The following SIAH3 variants were observed in gnomAD, a reference collection of about 807,000 sequenced individuals.
The protein encoded by SIAH3 is siah E3 ubiquitin protein ligase family member 3, also known as seven in absentia homolog 3.
Under a neutral mutation model 12.6 loss-of-function variants are expected in SIAH3, and 9 were observed. The observed-to-expected ratio is 0.72, with a 90% CI of 0.43 to 1.25. The LOEUF (loss-of-function observed/expected upper bound fraction) is 1.25. SIAH3 is among the 50% of genes most tolerant of loss of function. The pLI is 0.00. For synonymous variants in SIAH3, 154 were observed against 151.1 expected (o/e 1.02, Z -0.14); for missense variants, 390 against 365.4 (o/e 1.07, Z -0.55).
chr13:45,814,948 C>G lies in SIAH3; in HGVS notation c.136-30891G>C, dbSNP rs560112312. 6.8e-4 allele frequency among the ~76,000 whole-genome samples: 104 copies of G among 152,206 alleles called. 1 individual carries two copies. In the South Asian group the frequency reaches 0.019, roughly 27 times the overall value. The stretch of plus-strand genomic sequence containing the variant: ...ACATTGACCAGGCTGGTCTCAAACT[C>G]CTGACCTCAAGTGATCTGCCTGCCT... On this transcript the variant is annotated intron_variant, in intron 1 of 1. Coordinates refer to ENST00000400405, the MANE Select transcript of SIAH3 (RefSeq NM_198849.3).
At chr13:45,847,622 C>CGTGTGTGTGTGTGT (rs112078778) in intron 1 of SIAH3, among the ~76,000 whole-genome samples, 22,265 of 146,740 alleles carry the variant, frequency 0.15, 2,181 homozygotes, top group Non-Finnish European at 0.22. Context: ...TCCATGTGTT[C>CGTGTGTGTGTGTGT]GTGTGTGTGT....
chr13:45,795,782 TG>T (rs1454520634), intron 1 of SIAH3, among the ~76,000 whole-genome samples: 3 of 152,214 alleles, frequency 2.0e-5, no homozygotes, highest in Non-Finnish European at 4.4e-5. Context: ...TGCACACGAA[TG>T]TTTACAGCAG....
chr13:45,850,060 G>C (rs1323996057), intron 1 of SIAH3, among the ~76,000 whole-genome samples: 1 of 152,202 alleles, frequency 6.6e-6, no homozygotes, highest in African/African-American at 2.4e-5. Context: ...AAAAGAAATA[G>C]TGGAATGAGA....
chr13:45,851,286 C>G (rs1187546034), intron 1 of SIAH3, among the ~76,000 whole-genome samples: 1 of 152,138 alleles, frequency 6.6e-6, no homozygotes, highest in Admixed American at 6.5e-5. Context: ...TTCCTGCCAG[C>G]TGGGGAAACA....
At chr13:45,845,156 G>A (rs538177492) in intron 1 of SIAH3, among the ~76,000 whole-genome samples, 257 of 150,822 alleles carry the variant, frequency 1.7e-3, no homozygotes, top group Non-Finnish European at 2.8e-3. Context: ...ATTGTGTAGA[G>A]ACTTTCAGAG....
chr13:45,795,699 G>A lies in SIAH3; in HGVS notation c.136-11642C>T, dbSNP rs889037322. 4.6e-5 allele frequency among the ~76,000 whole-genome samples: 7 copies of A among 152,114 alleles called. 1 individual carries two copies. The highest frequency in any genetic ancestry group is 2.1e-4 in the South Asian group (1 of 4,822). On this transcript the variant is annotated intron_variant, in intron 1 of 1. Transcript: ENST00000400405. ...GTCACCTTTTGAGCTTGTTAGTAGT[G>A]GGGTAAGATCTGAGCCTCTTCACAG...
chr13:45,815,686 C>T (rs534226766), intron 1 of SIAH3, among the ~76,000 whole-genome samples: 2 of 152,314 alleles, frequency 1.3e-5, no homozygotes, highest in South Asian at 4.1e-4. Context: ...AAGGACCATG[C>T]TTCCCAGATC....
rs562416282 is a variant in SIAH3 at position 45,807,141 on chromosome 13, C to T, written c.136-23084G>A. The stretch of plus-strand genomic sequence containing the variant: ...ACAGTCACAGGCTATAAGAAAAAAA[C>T]GTAAAATGCTACAGAAGAACTCTAA... On this transcript the variant is annotated intron_variant, in intron 1 of 1. Transcript: ENST00000400405. Among the ~76,000 whole-genome samples, 17 of 151,794 alleles carry T rather than the reference C, an allele frequency of 1.1e-4. 1 individual carries two copies. Among genetic ancestry groups the T allele is most frequent in the South Asian group, 6.2e-4 (3 of 4,818 alleles).
At chr13:45,804,004 C>T (rs1295563607) in intron 1 of SIAH3, among the ~76,000 whole-genome samples, 1 of 152,044 alleles carries the variant, frequency 6.6e-6, no homozygotes, top group African/African-American at 2.4e-5. Flanking sequence ...GAGATATGTA[C>T]AATTATACAC....
intron 1 of SIAH3, among the ~76,000 whole-genome samples, chr13:45,804,963 A>AC (rs1950593706): frequency 7.4e-6 from 1 of 135,836 alleles, no homozygotes; most frequent in South Asian, 2.5e-4. Context: ...TCCCATTTAT[A>AC]ACACACACAC....
At chr13:45,809,629 A>G (rs1593380530) in intron 1 of SIAH3, among the ~76,000 whole-genome samples, 1 of 152,376 alleles carries the variant, frequency 6.6e-6, no homozygotes, top group East Asian at 1.9e-4. Context: ...TGTTTACAAT[A>G]TATAGCTTTT....
rs969295382 is a variant in SIAH3 at position 45,778,962 on chromosome 13, A to G, written c.*4421T>C. Reference sequence around the variant, plus strand: ...GATTCCTGGAACCAATCCCCCAAGGATACTGAGGGATGATTATACTGTTAA... The same window carrying G: ...GATTCCTGGAACCAATCCCCCAAGGGTACTGAGGGATGATTATACTGTTAA... On this transcript the variant is annotated 3_prime_UTR_variant, in exon 2 of 2. Coordinates refer to ENST00000400405, the MANE Select transcript of SIAH3 (RefSeq NM_198849.3). The G allele has an allele frequency of 3.3e-5, 5 of 152,302 alleles. No homozygotes were observed. The highest frequency in any genetic ancestry group is 1.2e-4 in the African/African-American group (5 of 41,570). The allele number at this position is 152,302 out of a possible 1,614,324, so 9.4% of individuals were successfully genotyped here.
intron 1 of SIAH3, among the ~76,000 whole-genome samples, chr13:45,846,833 C>T (rs1284354434): frequency 1.3e-5 from 2 of 152,182 alleles, no homozygotes; most frequent in African/African-American, 4.8e-5. Flanking sequence ...ATCACCGGCA[C>T]AGGGCTAACC....
chr13:45,837,252 C>A (rs1222071930), intron 1 of SIAH3, among the ~76,000 whole-genome samples: 3 of 152,180 alleles, frequency 2.0e-5, no homozygotes, highest in African/African-American at 7.2e-5. Context: ...AGAGACTCAT[C>A]TGGTGACTTT....
intron 1 of SIAH3, among the ~76,000 whole-genome samples, chr13:45,837,884 G>A (rs972379658): frequency 1.1e-4 from 17 of 152,330 alleles, no homozygotes; most frequent in Non-Finnish European, 2.4e-4. Flanking sequence ...AACATGTTGA[G>A]AAGTGTTTAA....
rs183763509 is a variant in SIAH3 at position 45,839,746 on chromosome 13, C to T, written c.135+11749G>A. ...ACTAGGGAGGCTGAGGCAGGAGAATCGGTTGAACCCGGGAGGCGGAGGTTG... is the reference window on the plus strand; with the variant it reads ...ACTAGGGAGGCTGAGGCAGGAGAATTGGTTGAACCCGGGAGGCGGAGGTTG... On this transcript the variant is annotated intron_variant, in intron 1 of 1. Transcript: ENST00000400405. Among the ~76,000 whole-genome samples, 1,295 of 152,214 alleles carry T rather than the reference C, an allele frequency of 8.5e-3. 9 individuals are homozygous for T. Among genetic ancestry groups the T allele is most frequent in the Non-Finnish European group, 0.015 (995 of 68,012 alleles).
intron 1 of SIAH3, among the ~76,000 whole-genome samples, chr13:45,797,004 C>G (rs1950565053): frequency 6.6e-6 from 1 of 152,170 alleles, no homozygotes; most frequent in African/African-American, 2.4e-5. Flanking sequence ...GGCAGGCTGG[C>G]CAGTCCCTAA....
chr13:45,842,007 C>T (rs572321931), intron 1 of SIAH3, among the ~76,000 whole-genome samples: 1 of 152,354 alleles, frequency 6.6e-6, no homozygotes, highest in South Asian at 2.1e-4. Context: ...GGAGCCTCAT[C>T]AGTGGGAACC....
intron 1 of SIAH3, among the ~76,000 whole-genome samples, chr13:45,822,755 G>T (rs567694325): frequency 6.6e-6 from 1 of 152,076 alleles, no homozygotes; most frequent in South Asian, 2.1e-4. Flanking sequence ...TGGGAGCTGG[G>T]TGTGCCGCAG....
Sources: allele counts gnomAD v4.1 joint callset (sites outside exome capture counted in the v4.1 genomes callset), GRCh38; gene constraint gnomAD v4.1.1; transcripts MANE v1.5; gene names NCBI Gene and HGNC (gene_info 2026-07-23, HGNC 2026-07-21).